FIRRM: variants seen among roughly 807,000 people sequenced by gnomAD.
The protein encoded by FIRRM is FIGNL1-interacting regulator of recombination and mitosis.
At chr1:169,836,707 C>T in the FIRRM span, among the ~76,000 whole-genome samples, 2 of 152,106 alleles carry the variant, frequency 1.3e-5, no homozygotes, top group South Asian at 4.1e-4. Flanking sequence ...ATATTGTGCT[C>T]CACTTAAGCT....
At chr1:169,795,739 A>T in the FIRRM span, 1 of 985,316 alleles carries the variant, frequency 1.0e-6, no homozygotes, top group Non-Finnish European at 1.2e-6. Flanking sequence ...GATGTTCAGT[A>T]AATAAAAATG....
chr1:169,849,941 G>C, the FIRRM span: 8 of 466,448 alleles, frequency 1.7e-5, no homozygotes, highest in African/African-American at 1.6e-4. Context: ...ATAAGGGTTA[G>C]GCTGATGAAC....
At chr1:169,850,275 A>G in the FIRRM span, 1 of 1,608,360 alleles carries the variant, frequency 6.2e-7, no homozygotes, top group African/African-American at 1.3e-5. Flanking sequence ...GGAACAAATC[A>G]TGAAGAGATA....
the FIRRM span, among the ~76,000 whole-genome samples, chr1:169,846,176 C>G: frequency 3.3e-5 from 5 of 152,102 alleles, no homozygotes; most frequent in Admixed American, 1.3e-4. Context: ...ATCTTTTTTT[C>G]TGAGCAGTAG....
the FIRRM span, among the ~76,000 whole-genome samples, chr1:169,808,361 T>C: frequency 3.3e-5 from 5 of 152,234 alleles, no homozygotes; most frequent in East Asian, 7.7e-4. Flanking sequence ...ATCAGTCTTT[T>C]AAATTTGATA....
the FIRRM span, chr1:169,807,992 C>G: frequency 6.8e-7 from 1 of 1,479,634 alleles, no homozygotes; most frequent in South Asian, 1.2e-5. Context: ...GTTAGTAAAT[C>G]TCATTTGAAT....
the FIRRM span, among the ~76,000 whole-genome samples, chr1:169,787,629 C>T: frequency 6.6e-6 from 1 of 152,326 alleles, no homozygotes; most frequent in Non-Finnish European, 1.5e-5. Context: ...TTGCCATGGT[C>T]CCTATACTAT....
the FIRRM span, among the ~76,000 whole-genome samples, chr1:169,819,843 G>GA: frequency 6.6e-6 from 1 of 152,174 alleles, no homozygotes; most frequent in South Asian, 2.1e-4. Context: ...AGGTCACACA[G>GA]ATATCAACCA....
At chr1:169,820,416 C>T in the FIRRM span, among the ~76,000 whole-genome samples, 1 of 152,186 alleles carries the variant, frequency 6.6e-6, no homozygotes, top group Non-Finnish European at 1.5e-5. Flanking sequence ...ATGCCTAATC[C>T]TGTCACCCAC....
At chr1:169,850,980 C>CTTTTTTTTTTTT in the FIRRM span, 7 of 31,580 alleles carry the variant, frequency 2.2e-4, 1 homozygote, top group East Asian at 4.1e-3. Flanking sequence ...TTAGGCATGG[C>CTTTTTTTTTTTT]TTTTTTTTTT....
the FIRRM span, chr1:169,852,093 TAA>T: frequency 1.0e-6 from 1 of 977,928 alleles, no homozygotes; most frequent in Non-Finnish European, 1.5e-6. Flanking sequence ...TAGTTGCTTT[TAA>T]AATTAAGAAG....
At chr1:169,814,561 G>A in the FIRRM span, among the ~76,000 whole-genome samples, 2 of 152,064 alleles carry the variant, frequency 1.3e-5, no homozygotes, top group African/African-American at 4.8e-5. Flanking sequence ...TGCTTGAGGT[G>A]CCTCCATATT....
chr1:169,793,472 G>A, the FIRRM span: 885 of 1,614,186 alleles, frequency 5.5e-4, no homozygotes, highest in Non-Finnish European at 7.0e-4. Flanking sequence ...TGGACTGTCT[G>A]TGTCTTGAGA....
chr1:169,834,714 ATCT>A, the FIRRM span, among the ~76,000 whole-genome samples: 1 of 152,148 alleles, frequency 6.6e-6, no homozygotes, highest in Non-Finnish European at 1.5e-5. Context: ...GGATCAGAGG[ATCT>A]TTTTATTTAG....
the FIRRM span, among the ~76,000 whole-genome samples, chr1:169,824,292 G>A: frequency 6.6e-6 from 1 of 152,070 alleles, no homozygotes; most frequent in African/African-American, 2.4e-5. Flanking sequence ...CCTCTCCATT[G>A]TGCATTGGAT....
the FIRRM span, among the ~76,000 whole-genome samples, chr1:169,801,863 A>T: frequency 9.7e-3 from 1,479 of 152,204 alleles, 24 homozygotes; most frequent in African/African-American, 0.033. Context: ...AATTTCTTGT[A>T]CTCATAGTCA....
the FIRRM span, among the ~76,000 whole-genome samples, chr1:169,802,459 T>A: frequency 6.6e-6 from 1 of 152,206 alleles, no homozygotes; most frequent in Non-Finnish European, 1.5e-5. Context: ...CTTTTCTCTG[T>A]ATTTTGTGCT....
At chr1:169,847,045 GA>G in the FIRRM span, among the ~76,000 whole-genome samples, 8 of 152,188 alleles carry the variant, frequency 5.3e-5, no homozygotes, top group Admixed American at 4.6e-4. Flanking sequence ...AGGAGAGGGG[GA>G]GAGACTGGTG....
chr1:169,853,517 G>C, the FIRRM span: 2 of 577,272 alleles, frequency 3.5e-6, no homozygotes, highest in Non-Finnish European at 6.0e-6. Context: ...AGTACTGTGA[G>C]CCTCACCACC....
Sources: gnomAD v4.1 joint callset for allele counts (sites outside exome capture counted in the v4.1 genomes callset) on GRCh38, gnomAD v4.1.1 for gene constraint, MANE v1.5 for transcripts, NCBI Gene and HGNC (gene_info 2026-07-23, HGNC 2026-07-21) for gene names.